The following EPHB1 variants were observed in gnomAD, a reference collection of about 807,000 sequenced individuals.
EPHB1 encodes the protein EPH receptor B1, also known as ephrin type-B receptor 1.
In EPHB1, 30 loss-of-function variants were observed where a neutral mutation model predicts 94.4. That is an observed-to-expected ratio of 0.32 (90% confidence interval 0.24 to 0.43). The LOEUF is 0.43. EPHB1 is among the 20% of genes least tolerant of loss of function. The probability of loss-of-function intolerance (pLI) is 1.00; values close to 1 mark genes in which losing one functional copy is unlikely to be tolerated. For synonymous variants in EPHB1, 522 were observed against 489.1 expected (o/e 1.07, Z -0.89); for missense variants, 1,055 against 1,308.3 (o/e 0.81, Z 2.99).
At chr3:135,160,389 T>C (rs1443056372) in intron 6 of EPHB1, among the ~76,000 whole-genome samples, 1 of 152,236 alleles carries the variant, frequency 6.6e-6, no homozygotes, top group Non-Finnish European at 1.5e-5. Context: ...TTCTTATCAC[T>C]GTACTGTATC....
At position 134,838,449 on chromosome 3, in the gene EPHB1, C is replaced by G. The variant is rs150651323; in HGVS notation, c.58+42760C>G. On this transcript the variant is annotated intron_variant, in intron 1 of 15. Coordinates refer to ENST00000398015, the MANE Select transcript of EPHB1 (RefSeq NM_004441.5). The stretch of plus-strand genomic sequence containing the variant: ...CACAGCTTCCCTGGGCTTATTTTGC[C>G]TCTTAGGACATCTCCCAAATGTCTT... 5.7e-3 allele frequency among the ~76,000 whole-genome samples: 863 copies of G among 152,210 alleles called. 9 individuals carry two copies. Among genetic ancestry groups the G allele is most frequent in the African/African-American group, 0.02 (829 of 41,526 alleles).
intron 1 of EPHB1, among the ~76,000 whole-genome samples, chr3:134,881,400 A>G (rs7427543): frequency 0.068 from 10,364 of 152,140 alleles, 1,156 homozygotes; most frequent in African/African-American, 0.24. Flanking sequence ...AGAACCCGAG[A>G]AGCAGAGCAA....
intron 1 of EPHB1, among the ~76,000 whole-genome samples, chr3:134,832,872 G>A (rs767010562): frequency 1.3e-5 from 2 of 152,204 alleles, no homozygotes; most frequent in Non-Finnish European, 2.9e-5. Context: ...ACTTTCTAAC[G>A]CTGCAATTCA....
rs1326814999 is a variant in EPHB1, at chr3:134,951,731, G to A, written c.484G>A (p.Val162Ile). 5 of 1,614,026 alleles carry A rather than the reference G, an allele frequency of 3.1e-6. No individual in the cohort carries two copies. The highest frequency in any genetic ancestry group is 4.2e-6 in the Non-Finnish European group (5 of 1,179,976). The change falls in exon 3 of 16, where the codon GTC (valine) becomes ATC (isoleucine). Residue 162 changes from valine (V) to isoleucine (I), a missense_variant. Val to Ile is a conservative substitution (Grantham distance 29). Coordinates refer to ENST00000398015, the MANE Select transcript of EPHB1 (RefSeq NM_004441.5). This position sits in a 1 kb window ranked among gnomAD's most constrained non-coding sequence, Gnocchi z 4.5. ...GGRLMKVNTE[V>I]RSFGPLTRNG... ...AAGGCTGATGAAGGTAAACACAGAA[G>A]TCAGGAGCTTTGGGCCTCTTACTCG... is the stretch of plus-strand genomic sequence containing the variant.
chr3:135,258,048 G>C (rs1444836855), intron 15 of EPHB1, among the ~76,000 whole-genome samples: 1 of 152,154 alleles, frequency 6.6e-6, no homozygotes, highest in South Asian at 2.1e-4. Context: ...TCCCAAGTGA[G>C]GCAATGCCTC....
intron 15 of EPHB1, among the ~76,000 whole-genome samples, chr3:135,255,906 A>T (rs1218038589): frequency 3.4e-5 from 5 of 146,382 alleles, no homozygotes; most frequent in African/African-American, 1.3e-4. Context: ...GTGCTCCTGT[A>T]TTGGGTGCAT....
rs780366678 is a variant in EPHB1, at chr3:135,134,537, C to T, written c.1297+1488C>T. Among the ~76,000 whole-genome samples, 14 of 152,126 alleles carry T rather than the reference C, an allele frequency of 9.2e-5. No individual in the cohort carries two copies. The Middle Eastern group carries it at 0.024, about 259-fold the overall frequency. The stretch of plus-strand genomic sequence containing the variant: ...GTGTTTGTATGTATGTGTATGGTCA[C>T]GTGTTTACATGCATACGTGTGTAGT... On this transcript the variant is annotated intron_variant, in intron 5 of 15. Coordinates refer to ENST00000398015, the MANE Select transcript of EPHB1 (RefSeq NM_004441.5).
chr3:134,995,959 T>TAA (rs1002765625), intron 3 of EPHB1, among the ~76,000 whole-genome samples: 10 of 152,206 alleles, frequency 6.6e-5, no homozygotes, highest in Non-Finnish European at 1.5e-4. Context: ...ATTATTTTGA[T>TAA]AAAAAATTAT....
At chr3:135,231,083 G>A (rs1224506670) in intron 12 of EPHB1, among the ~76,000 whole-genome samples, 1 of 152,198 alleles carries the variant, frequency 6.6e-6, no homozygotes, top group Non-Finnish European at 1.5e-5. Context: ...CCTGGACAGT[G>A]TCCTCCTCAG....
Position 135,189,014 on chromosome 3 carries a change from G to A in EPHB1, c.1883-3562G>A, listed in dbSNP as rs148626432. Among the ~76,000 whole-genome samples the A allele has an allele frequency of 2.2e-3, 329 of 152,244 alleles. 1 individual carries two copies. The highest frequency in any genetic ancestry group is 7.7e-3 in the African/African-American group (318 of 41,558). On this transcript the variant is annotated intron_variant, in intron 10 of 15. Transcript: ENST00000398015. ...GTCCACCATGCCCTACCCAAAGAAG[G>A]CATGTTTATATTTTATAATTTTTAA...
In EPHB1 at chr3:135,213,990, C is replaced by T. The variant is rs190002073; in HGVS notation, c.2346+12301C>T. 3.3e-5 allele frequency among the ~76,000 whole-genome samples: 5 copies of T among 152,306 alleles called. No individual in the cohort carries two copies. The East Asian group carries it at 9.7e-4, about 29-fold the overall frequency. On this transcript the variant is annotated intron_variant, in intron 12 of 15. Coordinates refer to ENST00000398015, the MANE Select transcript of EPHB1 (RefSeq NM_004441.5). ...CCTCTGATCTCCCTCAGCCCCTTCC[C>T]CTTTGACTCCTCTTGCAGCTCCTTC...
In EPHB1 at chr3:134,961,393, C is replaced by T. The variant is rs553964007; in HGVS notation, c.805+9341C>T. Among the ~76,000 whole-genome samples the T allele has an allele frequency of 3.0e-4, 45 of 152,320 alleles. 1 individual carries two copies. The highest frequency in any genetic ancestry group is 9.9e-4 in the African/African-American group (41 of 41,566). ...TTTAGACACTTCCAGGGATGGAACA[C>T]CGTTACTTCCGAAGGAAGCCTGGTT... is the stretch of plus-strand genomic sequence containing the variant. On this transcript the variant is annotated intron_variant, in intron 3 of 15. Coordinates refer to ENST00000398015, the MANE Select transcript of EPHB1 (RefSeq NM_004441.5).
intron 1 of EPHB1, among the ~76,000 whole-genome samples, chr3:134,842,721 G>A (rs2036799617): frequency 6.6e-6 from 1 of 152,084 alleles, no homozygotes; most frequent in Non-Finnish European, 1.5e-5. Flanking sequence ...ACCTTTGATT[G>A]TTCAATTCTC....
Position 134,951,700 on chromosome 3 carries a change from T to C in EPHB1, c.453T>C (p.Phe151=), listed in dbSNP as rs771141558. The C allele has an allele frequency of 1.2e-6, 2 of 1,613,942 alleles. No homozygotes were observed. Among genetic ancestry groups the C allele is most frequent in the East Asian group, 4.5e-5 (2 of 44,894 alleles). ...ATGAGAGCTTCTCCCAGGTGGACTT[T>C]GGGGGAAGGCTGATGAAGGTAAACA... is the stretch of plus-strand genomic sequence containing the variant. ...AADESFSQVD[F]GGRLMKVNTE... Residue 151 remains phenylalanine, a synonymous_variant, in exon 3 of 16, where the codon TTT becomes TTC. Coordinates refer to ENST00000398015, the MANE Select transcript of EPHB1 (RefSeq NM_004441.5). This position sits in a 1 kb window ranked among gnomAD's most constrained non-coding sequence, Gnocchi z 4.5.
intron 3 of EPHB1, among the ~76,000 whole-genome samples, chr3:134,979,758 C>T (rs1008513064): frequency 2.5e-4 from 38 of 151,154 alleles, no homozygotes; most frequent in African/African-American, 8.3e-4. Context: ...CATTGTAAGT[C>T]GAGGAGCATC....
chr3:135,069,020 G>A (rs779267273), intron 3 of EPHB1, among the ~76,000 whole-genome samples: 99 of 147,754 alleles, frequency 6.7e-4, no homozygotes, highest in Non-Finnish European at 8.5e-4. Context: ...TTGGCCGGGC[G>A]TGAGCCACTG....
intron 4 of EPHB1, among the ~76,000 whole-genome samples, chr3:135,108,797 C>T (rs996992761): frequency 4.6e-5 from 7 of 152,150 alleles, no homozygotes; most frequent in Non-Finnish European, 8.8e-5. Context: ...ATGCCTCTTC[C>T]CTCAAACCTA....
At chr3:135,171,470 T>C (rs1396802143) in intron 9 of EPHB1, among the ~76,000 whole-genome samples, 1 of 152,164 alleles carries the variant, frequency 6.6e-6, no homozygotes, top group African/African-American at 2.4e-5. Flanking sequence ...GCTTATCGAG[T>C]GTGTAGGTAA....
At chr3:135,045,648 AAATTT>A (rs1429577932) in intron 3 of EPHB1, among the ~76,000 whole-genome samples, 1 of 152,234 alleles carries the variant, frequency 6.6e-6, no homozygotes. Flanking sequence ...GCAAATGATT[AAATTT>A]GAGTTTTCAA....
Sources: allele counts gnomAD v4.1 joint callset (sites outside exome capture counted in the v4.1 genomes callset), GRCh38; gene constraint gnomAD v4.1.1; non-coding constraint Gnocchi (gnomAD v3.1); transcripts MANE v1.5; gene names NCBI Gene and HGNC (gene_info 2026-07-23, HGNC 2026-07-21).